ELK3: variants seen among roughly 807,000 people sequenced by gnomAD.
The protein encoded by ELK3 is ETS domain-containing protein Elk-3.
A neutral mutation model predicts 28.9 loss-of-function variants in ELK3; 10 were observed. That is an observed-to-expected ratio of 0.35 (90% CI 0.21 to 0.59). ELK3 has a LOEUF of 0.59. Ranked by LOEUF, ELK3 falls within the 20% of genes least tolerant of loss-of-function variation. The pLI is 0.82. For synonymous variants in ELK3, 272 were observed against 243.5 expected (o/e 1.12, Z -1.09); for missense variants, 463 against 517.3 (o/e 0.90, Z 1.02).
At chr12:96,227,655 G>T (rs899815602) in intron 2 of ELK3, among the ~76,000 whole-genome samples, 1 of 69,678 alleles carries the variant, frequency 1.4e-5, no homozygotes, top group Non-Finnish European at 2.8e-5. Context: ...ATGCGGTCAG[G>T]TTGGGGCTGA....
chr12:96,243,493 CG>C (rs1951835509), intron 2 of ELK3, among the ~76,000 whole-genome samples: 2 of 151,980 alleles, frequency 1.3e-5, no homozygotes, highest in Admixed American at 1.3e-4. Flanking sequence ...GAGGCTGAGG[CG>C]GGCAGATCAC....
chr12:96,223,452 C>A, intron 1 of ELK3, 113 bp from the exon 2 acceptor site: 2 of 962,090 alleles, frequency 2.1e-6, no homozygotes, highest in Non-Finnish European at 3.2e-6. Flanking sequence ...TTATTAGGTT[C>A]ACTGGGGGAA....
At chr12:96,231,223 T>A (rs551739902) in intron 2 of ELK3, among the ~76,000 whole-genome samples, 1 of 152,112 alleles carries the variant, frequency 6.6e-6, no homozygotes, top group Non-Finnish European at 1.5e-5. Context: ...AGTTTTTTTT[T>A]CCTTAGGTTT....
Position 96,223,780 on chromosome 12 carries a change from C to T in ELK3, c.207+7C>T, listed in dbSNP as rs751212381. ...GCGATACTATTATGACAAGGTAAAC[C>T]CTTGACCTTGCATGGGGCCGTCTTG... On this transcript the variant is annotated splice_region_variant and intron_variant, in intron 2 of 4. Transcript: ENST00000228741. The T allele has an allele frequency of 3.7e-6, 6 of 1,613,716 alleles. No individual in the cohort carries two copies. The highest frequency in any genetic ancestry group is 5.1e-6 in the Non-Finnish European group (6 of 1,179,834).
chr12:96,264,336 A>T (rs1019861970), intron 4 of ELK3, among the ~76,000 whole-genome samples: 2 of 152,196 alleles, frequency 1.3e-5, no homozygotes, highest in Admixed American at 6.5e-5. Flanking sequence ...TTTGAGATTA[A>T]AACAGTGGAC....
At chr12:96,214,323 C>T (rs940446521) in intron 1 of ELK3, among the ~76,000 whole-genome samples, 13 of 151,868 alleles carry the variant, frequency 8.6e-5, no homozygotes, top group African/African-American at 2.7e-4. Flanking sequence ...CCCAGCTACT[C>T]GGGAGGCTGA....
intron 2 of ELK3, chr12:96,223,975 C>A (rs2137015002): frequency 3.4e-6 from 2 of 587,386 alleles, no homozygotes; most frequent in Non-Finnish European, 5.9e-6. Flanking sequence ...TACTGAGGGT[C>A]ACATTTTGTT....
At chr12:96,257,195 A>G (rs2137040371) in intron 3 of ELK3, among the ~76,000 whole-genome samples, 1 of 152,336 alleles carries the variant, frequency 6.6e-6, no homozygotes, top group African/African-American at 2.4e-5. Context: ...GTGAAGTCTC[A>G]CACTGTCCCG....
Position 96,259,737 on chromosome 12 carries a change from A to C in ELK3, c.1009A>C (p.Asn337His). 1 of 1,608,096 alleles carries C rather than the reference A, an allele frequency of 6.2e-7. No homozygotes were observed. The highest frequency in any genetic ancestry group is 8.5e-7 in the Non-Finnish European group (1 of 1,177,298). ...TPAFFTAQTP[N>H]GLLLTPSPLL... ...TGTTTGCTTTACTTCCCAGACACCA[A>C]ATGGATTGCTTCTGACTCCGAGTCC... The change falls in exon 4 of 5, where the codon AAT becomes CAT. Residue 337 changes from asparagine (N) to histidine (H), a missense_variant. Asn to His is a moderately conservative substitution (Grantham distance 68). Coordinates refer to ENST00000228741, the MANE Select transcript of ELK3 (RefSeq NM_005230.4).
intron 1 of ELK3, among the ~76,000 whole-genome samples, chr12:96,205,713 G>A (rs772776111): frequency 2.0e-5 from 3 of 152,174 alleles, no homozygotes; most frequent in Non-Finnish European, 4.4e-5. Context: ...ACCCGAGTGA[G>A]GGTTAGAACT....
chr12:96,242,767 C>A (rs1448893426), intron 2 of ELK3, among the ~76,000 whole-genome samples: 1 of 152,166 alleles, frequency 6.6e-6, no homozygotes, highest in African/African-American at 2.4e-5. Flanking sequence ...TTACTGTACC[C>A]GACCCTGCCC....
chr12:96,201,601 AAG>A (rs1168748914), intron 1 of ELK3, among the ~76,000 whole-genome samples: 1 of 149,918 alleles, frequency 6.7e-6, no homozygotes, highest in Non-Finnish European at 1.5e-5. Flanking sequence ...AAAAAAAAAA[AAG>A]GGATTGAAGT....
intron 4 of ELK3, among the ~76,000 whole-genome samples, chr12:96,261,337 G>A (rs560264969): frequency 1.3e-5 from 2 of 152,184 alleles, no homozygotes; most frequent in South Asian, 2.1e-4. Flanking sequence ...CTATAGTCAT[G>A]TTGATTTTTA....
At chr12:96,246,487 T>A in intron 2 of ELK3, among the ~76,000 whole-genome samples, 1 of 152,110 alleles carries the variant, frequency 6.6e-6, no homozygotes, top group East Asian at 1.9e-4. Flanking sequence ...AGATGCTGTC[T>A]CCACAAAAAA....
rs751829052 is a variant in ELK3, at chr12:96,247,025, T to G, written c.293T>G (p.Val98Gly). 1 of 1,614,064 alleles carries G rather than the reference T, an allele frequency of 6.2e-7. No homozygotes were observed. Among genetic ancestry groups the G allele is most frequent in the Admixed American group, 1.7e-5 (1 of 60,028 alleles). The change falls in exon 3 of 5, where the codon GTG becomes GGG. Residue 98 changes from valine to glycine, a missense_variant. Physicochemically the swap from Val to Gly is moderately radical, Grantham distance 109. Transcript: ENST00000228741. This position sits in a 1 kb window ranked among gnomAD's most constrained non-coding sequence, Gnocchi z 5.5. ...ATCCTGAAGATGGATCCTCACGCGGTGGAGATCAGCCGGGAGAGCCTTCTG... is the reference window on the plus strand; with the variant it reads ...ATCCTGAAGATGGATCCTCACGCGGGGGAGATCAGCCGGGAGAGCCTTCTG... ...PEILKMDPHAVEISRESLLLQ... is the reference protein window; with the variant it reads ...PEILKMDPHAGEISRESLLLQ...
intron 4 of ELK3, among the ~76,000 whole-genome samples, chr12:96,264,916 G>T (rs573582618): frequency 6.6e-6 from 1 of 152,300 alleles, no homozygotes; most frequent in Admixed American, 6.5e-5. Flanking sequence ...TTAGAGATAA[G>T]AAACTAAGGC....
intron 1 of ELK3, among the ~76,000 whole-genome samples, chr12:96,202,289 C>T (rs550736048): frequency 2.6e-4 from 40 of 152,334 alleles, no homozygotes; most frequent in Non-Finnish European, 5.0e-4. Flanking sequence ...GACTTTTCCT[C>T]AGTTCCTCAA....
chr12:96,250,952 G>C (rs1951900700), intron 3 of ELK3, among the ~76,000 whole-genome samples: 1 of 152,138 alleles, frequency 6.6e-6, no homozygotes, highest in Admixed American at 6.6e-5. Flanking sequence ...GTGTCACGTG[G>C]TTACCTTATC....
intron 1 of ELK3, among the ~76,000 whole-genome samples, chr12:96,213,181 A>C (rs142128973): frequency 6.6e-6 from 1 of 152,230 alleles, no homozygotes; most frequent in Admixed American, 6.5e-5. Flanking sequence ...GCGCAGTGCC[A>C]TGCTTTTTCC....
Sources: allele counts gnomAD v4.1 joint callset (sites outside exome capture counted in the v4.1 genomes callset), GRCh38; gene constraint gnomAD v4.1.1; non-coding constraint Gnocchi (gnomAD v3.1); transcripts MANE v1.5; gene names NCBI Gene and HGNC (gene_info 2026-07-23, HGNC 2026-07-21).